Variants in LCORL observed in about 807,000 individuals in gnomAD.
LCORL encodes ligand-dependent nuclear receptor corepressor-like protein.
LCORL carries 41 observed loss-of-function variants against 141.8 expected under a neutral mutation model. The ratio of observed to expected loss-of-function variants is 0.29; its 90% CI spans 0.23 to 0.38. The LOEUF is 0.38. Among genes scored for constraint, LCORL ranks in the 10% least tolerant of loss-of-function variants. The pLI is 1.00. For synonymous variants in LCORL, 618 were observed against 694.1 expected (o/e 0.89, Z 1.72); for missense variants, 1,759 against 2,035.0 (o/e 0.86, Z 2.61).
chr4:17,913,478 G>A (rs1159163838), intron 4 of LCORL, among the ~76,000 whole-genome samples: 4 of 152,224 alleles, frequency 2.6e-5, no homozygotes, highest in African/African-American at 4.8e-5. Flanking sequence ...AAAGCAGACC[G>A]GTTAAGAGCA....
intron 1 of LCORL, among the ~76,000 whole-genome samples, chr4:18,007,641 G>A (rs1156582484): frequency 1.3e-5 from 2 of 152,058 alleles, no homozygotes; most frequent in African/African-American, 4.8e-5. Context: ...TTATGAGGAA[G>A]AAAATATAAG....
chr4:17,867,020 T>C, intron 7 of LCORL: 4 of 983,804 alleles, frequency 4.1e-6, no homozygotes, highest in Non-Finnish European at 4.8e-6. Flanking sequence ...AAAGCAGGTC[T>C]GGAGGCTGCA....
At chr4:18,005,261 C>G (rs183722025) in intron 1 of LCORL, among the ~76,000 whole-genome samples, 3 of 152,300 alleles carry the variant, frequency 2.0e-5, no homozygotes, top group Admixed American at 2.0e-4. Context: ...CCTTTGACTC[C>G]ATGTCACACA....
intron 7 of LCORL, among the ~76,000 whole-genome samples, chr4:17,858,102 T>C (rs1173746936): frequency 1.3e-5 from 2 of 152,296 alleles, no homozygotes; most frequent in East Asian, 3.9e-4. Context: ...ATATTTTAAA[T>C]ACACTTCATA....
rs1474384883 is a variant in LCORL, at chr4:18,021,706, C to T, written c.46G>A (p.Ala16Thr). 3 of 1,528,120 alleles carry T rather than the reference C, an allele frequency of 2.0e-6. No homozygotes were observed. Among genetic ancestry groups the T allele is most frequent in the Non-Finnish European group, 1.8e-6 (2 of 1,138,094 alleles). The allele number at this position is 1,528,120 out of a possible 1,614,324, so 94.7% of individuals were successfully genotyped here. A position where few individuals can be genotyped will look rare whatever the true frequency, so the allele number is the denominator to read the frequency against. Residue 16 changes from alanine to threonine, a missense_variant, in exon 1 of 8, where the codon GCC becomes ACC. By Grantham distance (58) the Ala-to-Thr change is moderately conservative. Transcript: ENST00000635767. The surrounding 1 kb of genome is among the most constrained non-coding windows in gnomAD (Gnocchi z 5.5). ...CACTGAGCGGCGGCGGCGGCGGCGG[C>T]AGCAGCGGCGGCGGCAGCGGCCATT...
chr4:18,008,611 T>A (rs1434361878), intron 1 of LCORL, among the ~76,000 whole-genome samples: 1 of 152,212 alleles, frequency 6.6e-6, no homozygotes, highest in Non-Finnish European at 1.5e-5. Context: ...CTGAATTTTC[T>A]CATTTGTAAA....
chr4:17,865,652 A>G (rs1036901504), intron 7 of LCORL, among the ~76,000 whole-genome samples: 41 of 152,334 alleles, frequency 2.7e-4, no homozygotes, highest in African/African-American at 9.4e-4. Context: ...CATATTAGTA[A>G]ATAATCTTCC....
At chr4:17,998,048 G>A (rs1181959862) in intron 1 of LCORL, among the ~76,000 whole-genome samples, 4 of 152,176 alleles carry the variant, frequency 2.6e-5, no homozygotes, top group Admixed American at 2.6e-4. Flanking sequence ...ACTGTATACA[G>A]TCTGTACAGA....
At chr4:17,873,328 G>A (rs549796209) in intron 7 of LCORL, 60 bp downstream of exon 7, 2 of 1,049,504 alleles carry the variant, frequency 1.9e-6, no homozygotes. Flanking sequence ...TTTTCTACCT[G>A]TTATACTTTA....
chr4:17,875,562 G>C, exon 7 of LCORL: 2 of 1,231,218 alleles, frequency 1.6e-6, no homozygotes, highest in Non-Finnish European at 2.0e-6. Context: ...GTAAATAACA[G>C]TTACTGTAAT....
intron 4 of LCORL, among the ~76,000 whole-genome samples, chr4:17,942,837 T>C (rs1482246202): frequency 1.3e-5 from 2 of 152,060 alleles, no homozygotes; most frequent in Non-Finnish European, 2.9e-5. Flanking sequence ...CTGGGCTGCA[T>C]AGCAGGAGGT....
chr4:17,972,069 G>T (rs1716061417), intron 2 of LCORL, among the ~76,000 whole-genome samples: 1 of 151,640 alleles, frequency 6.6e-6, no homozygotes, highest in Admixed American at 6.6e-5. Flanking sequence ...AGCAAAAAAG[G>T]CTCTATTTAA....
exon 7 of LCORL, chr4:17,876,136 A>G: frequency 6.5e-6 from 8 of 1,231,010 alleles, no homozygotes; most frequent in Non-Finnish European, 8.1e-6. Context: ...TTGGAAACAG[A>G]TGAACTTTCA....
chr4:18,013,305 T>G (rs1166053326), intron 1 of LCORL, among the ~76,000 whole-genome samples: 1 of 152,230 alleles, frequency 6.6e-6, no homozygotes, highest in Admixed American at 6.5e-5. Context: ...AGTTATACTA[T>G]CTAAACTATC....
intron 1 of LCORL, among the ~76,000 whole-genome samples, chr4:18,008,804 G>A (rs1175153079): frequency 6.6e-6 from 1 of 152,154 alleles, no homozygotes; most frequent in Non-Finnish European, 1.5e-5. Context: ...ATGGTAGTTA[G>A]GGCTGAAAGT....
At chr4:17,909,240 G>A in exon 5 of LCORL, 1 of 1,613,334 alleles carries the variant, frequency 6.2e-7, no homozygotes. Context: ...ATTCTCTTGA[G>A]TTTTACCACT....
chr4:17,891,455 G>A (rs1222103751), intron 5 of LCORL, among the ~76,000 whole-genome samples: 1 of 151,774 alleles, frequency 6.6e-6, no homozygotes, highest in Non-Finnish European at 1.5e-5. Context: ...ACATAAAAAA[G>A]GTTCTATATA....
intron 2 of LCORL, among the ~76,000 whole-genome samples, chr4:17,964,519 A>T (rs968011114): frequency 1.7e-4 from 26 of 152,108 alleles, no homozygotes; most frequent in African/African-American, 6.3e-4. Flanking sequence ...ATTAAATTTT[A>T]ATTAAGAAAA....
intron 4 of LCORL, chr4:17,912,748 G>C (rs796193549): frequency 7.2e-6 from 3 of 414,464 alleles, no homozygotes; most frequent in African/African-American, 6.1e-5. Flanking sequence ...AGCTGGCACA[G>C]ACCCGGGCAA....
Sources: gnomAD v4.1 joint callset for allele counts (sites outside exome capture counted in the v4.1 genomes callset) on GRCh38, gnomAD v4.1.1 for gene constraint, Gnocchi (gnomAD v3.1) non-coding constraint, MANE v1.5 for transcripts, NCBI Gene and HGNC (gene_info 2026-07-23, HGNC 2026-07-21) for gene names.